LPXN: variants seen among roughly 807,000 people sequenced by gnomAD.
The protein encoded by LPXN is leupaxin.
LPXN carries 28 observed loss-of-function variants against 45.6 expected under a neutral mutation model. The observed-to-expected ratio is 0.61, with a 90% CI of 0.45 to 0.84. The LOEUF (loss-of-function observed/expected upper bound fraction) is 0.84, where lower values mean the gene tolerates loss of function less well. Among genes scored for constraint, LPXN ranks in the 40% least tolerant of loss-of-function variants. LPXN has a pLI of 0.00. For missense variants in LPXN, 459 were observed against 475.0 expected, an observed-to-expected ratio of 0.97 and a Z score of 0.31; for synonymous variants, 166 against 169.9, an observed-to-expected ratio of 0.98 and a Z score of 0.18.
At chr11:58,570,760 C>T (rs769149454) in intron 1 of LPXN, 47 bp from the exon 2 acceptor site, 1 of 1,442,190 alleles carries the variant, frequency 6.9e-7, no homozygotes, top group Non-Finnish European at 9.5e-7. Flanking sequence ...TATTTAAATC[C>T]CTACAGTCAT....
chr11:58,557,355 C>T (rs1293752233), intron 3 of LPXN, among the ~76,000 whole-genome samples: 2 of 152,122 alleles, frequency 1.3e-5, no homozygotes, highest in African/African-American at 2.4e-5. Context: ...AATATGCACA[C>T]ATACACAACA....
chr11:58,546,944 CTG>C (rs1853892151), intron 7 of LPXN, among the ~76,000 whole-genome samples: 1 of 152,068 alleles, frequency 6.6e-6, no homozygotes, highest in South Asian at 2.1e-4. Context: ...TTGAAGAAAA[CTG>C]TGCTATGAGT....
At position 58,572,208 on chromosome 11, in the gene LPXN, TA is replaced by T. The variant is rs886625005; in HGVS notation, c.14-1496del. 4.2e-3 allele frequency among the ~76,000 whole-genome samples: 622 copies of T among 146,942 alleles called. 5 individuals carry two copies. Among genetic ancestry groups the T allele is most frequent in the African/African-American group, 0.014 (546 of 40,328 alleles). On this transcript the variant is annotated intron_variant, in intron 1 of 8. Transcript: ENST00000395074. Reference sequence around the variant, plus strand: ...AAGGAAAATAAACTTCACAGGTCATTAAAAAAAAAACAGATTTTTCATTTAT... The same window carrying T: ...AAGGAAAATAAACTTCACAGGTCATTAAAAAAAAACAGATTTTTCATTTAT...
intron 3 of LPXN, among the ~76,000 whole-genome samples, chr11:58,556,341 G>A (rs1854203878): frequency 6.6e-6 from 1 of 151,892 alleles, no homozygotes; most frequent in African/African-American, 2.4e-5. Context: ...AACCATTCCT[G>A]TTGTTGAATA....
At chr11:58,578,768 G>A (rs1413777694), upstream of LPXN, among the ~76,000 whole-genome samples, 2 of 152,062 alleles carry the variant, frequency 1.3e-5, no homozygotes, top group African/African-American at 2.4e-5. Flanking sequence ...GGGGAAAGAG[G>A]TGCGATTTCT....
chr11:58,551,660 T>G (rs1565195011), intron 4 of LPXN, among the ~76,000 whole-genome samples: 1 of 152,122 alleles, frequency 6.6e-6, no homozygotes, highest in East Asian at 1.9e-4. Flanking sequence ...GTGTCTGGCC[T>G]CATGGAATTG....
chr11:58,561,192 T>C (rs1198599164), intron 3 of LPXN, among the ~76,000 whole-genome samples: 2 of 152,204 alleles, frequency 1.3e-5, no homozygotes, highest in African/African-American at 4.8e-5. Context: ...ATGTTCTGTC[T>C]TTCACTTAAT....
At chr11:58,548,223 C>T (rs1853932910) in intron 7 of LPXN, among the ~76,000 whole-genome samples, 1 of 152,058 alleles carries the variant, frequency 6.6e-6, no homozygotes, top group Non-Finnish European at 1.5e-5. Context: ...CAGAAAGCTA[C>T]TAGGGGATGT....
At chr11:58,555,768 G>GCA (rs5792108) in intron 3 of LPXN, among the ~76,000 whole-genome samples, 7,411 of 149,522 alleles carry the variant, frequency 0.05, 258 homozygotes, top group African/African-American at 0.092. Context: ...TCACACACAT[G>GCA]CACACACACA....
At position 58,570,732 on chromosome 11, in the gene LPXN, G is replaced by A. The variant is rs1243051713; in HGVS notation, c.14-19C>T. ...AAGGCATCTACACCATAAGAAGCAAGAGAATCATGACAGAGAATATTTAAA... is the reference window on the plus strand; with the variant it reads ...AAGGCATCTACACCATAAGAAGCAAAAGAATCATGACAGAGAATATTTAAA... On this transcript the variant is annotated intron_variant, in intron 1 of 8. Transcript: ENST00000395074. The A allele has an allele frequency of 3.2e-6, 5 of 1,583,846 alleles. No individual in the cohort carries two copies. The highest frequency in any genetic ancestry group is 2.3e-5 in the South Asian group (2 of 86,988).
At chr11:58,548,804 C>A (rs1162335314) in intron 7 of LPXN, among the ~76,000 whole-genome samples, 2 of 152,146 alleles carry the variant, frequency 1.3e-5, no homozygotes, top group East Asian at 1.9e-4. Context: ...AATACCACAA[C>A]CCAGATTTGA....
intron 7 of LPXN, among the ~76,000 whole-genome samples, chr11:58,541,758 T>C (rs1444658686): frequency 1.0e-3 from 151 of 150,958 alleles, no homozygotes; most frequent in Non-Finnish European, 1.4e-3. Flanking sequence ...TATTCTGGCA[T>C]TATTCACAAT....
chr11:58,529,885 G>A (rs1853335670), intron 7 of LPXN, among the ~76,000 whole-genome samples: 1 of 152,086 alleles, frequency 6.6e-6, no homozygotes, highest in African/African-American at 2.4e-5. Context: ...CCCATTGAGG[G>A]CAAGCCGAAA....
At chr11:58,544,104 C>G (rs1853811582) in intron 7 of LPXN, among the ~76,000 whole-genome samples, 1 of 152,108 alleles carries the variant, frequency 6.6e-6, no homozygotes, top group Non-Finnish European at 1.5e-5. Flanking sequence ...CCTCTAAACC[C>G]CTGAGACACA....
intron 7 of LPXN, among the ~76,000 whole-genome samples, chr11:58,534,178 T>C (rs1030583278): frequency 2.0e-5 from 3 of 152,176 alleles, no homozygotes; most frequent in Non-Finnish European, 4.4e-5. Context: ...GCAGACCTGA[T>C]AGACATCTAT....
upstream of LPXN, chr11:58,578,115 C>T: frequency 1.3e-6 from 2 of 1,527,748 alleles, no homozygotes; most frequent in South Asian, 2.4e-5. Context: ...GGCAGTTACG[C>T]AGACACCCCG....
intron 3 of LPXN, among the ~76,000 whole-genome samples, chr11:58,563,641 T>C (rs2120354792): frequency 6.6e-6 from 1 of 152,222 alleles, no homozygotes; most frequent in East Asian, 1.9e-4. Context: ...ATTTAGTAAG[T>C]GTATCTGTTT....
Position 58,527,368 on chromosome 11 carries a change from G to T in LPXN, c.*86C>A. On this transcript the variant is annotated 3_prime_UTR_variant, in exon 9 of 9. Transcript: ENST00000395074. ...TTTTCTATAAGACTATTAAGCAGAA[G>T]GTCAGTAACAGAAAATTTACCCTTT... 1 of 1,386,208 alleles carries T rather than the reference G, an allele frequency of 7.2e-7. No homozygotes were observed. The highest frequency in any genetic ancestry group is 1.0e-6 in the Non-Finnish European group (1 of 992,368). The allele number at this position is 1,386,208 out of a possible 1,614,324, so 85.9% of individuals were successfully genotyped here. A position where few individuals can be genotyped will look rare whatever the true frequency, so the allele number is the denominator to read the frequency against.
chr11:58,528,336 G>A lies in LPXN; in HGVS notation c.743-145C>T, dbSNP rs1020840918. 1.3e-5 allele frequency: 10 copies of A among 764,080 alleles called. No individual in the cohort carries two copies. In the African/African-American group the frequency reaches 1.6e-4, roughly 12 times the overall value. 47.3% of individuals were successfully genotyped at this position (764,080 alleles called of 1,614,324 possible). A position where few individuals can be genotyped will look rare whatever the true frequency, so the allele number is the denominator to read the frequency against. On this transcript the variant is annotated intron_variant, in intron 7 of 8. Transcript: ENST00000395074. Reference sequence around the variant, plus strand: ...TACCTAATTCAAAGGGTAGTTGTAAGAAATAAATGAGATAATGCAGAGGAA... The same window carrying A: ...TACCTAATTCAAAGGGTAGTTGTAAAAAATAAATGAGATAATGCAGAGGAA...
Sources: gnomAD v4.1 joint callset for allele counts (sites outside exome capture counted in the v4.1 genomes callset) on GRCh38, gnomAD v4.1.1 for gene constraint, MANE v1.5 for transcripts, NCBI Gene and HGNC (gene_info 2026-07-23, HGNC 2026-07-21) for gene names.